The following ZDHHC14 variants were observed in gnomAD, a reference collection of about 807,000 sequenced individuals.
ZDHHC14 encodes palmitoyltransferase ZDHHC14.
A neutral mutation model predicts 47.7 loss-of-function variants in ZDHHC14; 16 were observed. That is an observed-to-expected ratio of 0.34 (90% CI 0.23 to 0.51). The LOEUF (loss-of-function observed/expected upper bound fraction) is 0.51, where lower values mean the gene tolerates loss of function less well. ZDHHC14 is among the 20% of genes least tolerant of loss of function. The probability of loss-of-function intolerance (pLI) is 0.97; values close to 1 mark genes in which losing one functional copy is unlikely to be tolerated. For synonymous variants in ZDHHC14, 293 were observed against 278.9 expected (o/e 1.05, Z -0.50); for missense variants, 515 against 662.5 (o/e 0.78, Z 2.44).
intron 5 of ZDHHC14, among the ~76,000 whole-genome samples, chr6:157,640,816 G>T (rs751833218): frequency 4.6e-5 from 7 of 152,184 alleles, no homozygotes; most frequent in Non-Finnish European, 1.0e-4. Context: ...TGTTCTCGTT[G>T]TAAAAAATCC....
At chr6:157,566,766 T>G (rs934557517) in intron 2 of ZDHHC14, among the ~76,000 whole-genome samples, 2 of 152,170 alleles carry the variant, frequency 1.3e-5, no homozygotes, top group East Asian at 3.8e-4. Context: ...TCACTAGAAT[T>G]TTCTTACCCA....
In ZDHHC14 at chr6:157,506,910, T is replaced by G. The variant is rs565328171; in HGVS notation, c.246-35675T>G. 2.5e-3 allele frequency among the ~76,000 whole-genome samples: 372 copies of G among 151,610 alleles called. 1 individual carries two copies. Among genetic ancestry groups the G allele is most frequent in the Non-Finnish European group, 3.3e-3 (223 of 67,826 alleles). ...GCACCTAGGAAAGTAGAGTCATTTT[T>G]TTTTTAATTTTGGTTTTTAATTAAA... On this transcript the variant is annotated intron_variant, in intron 1 of 8. Transcript: ENST00000359775.
chr6:157,492,209 C>CCCCCCCCCCCCCCCCCCCCCCCT (rs1490649594), intron 1 of ZDHHC14, among the ~76,000 whole-genome samples: 1 of 147,234 alleles, frequency 6.8e-6, no homozygotes, highest in African/African-American at 2.5e-5. Context: ...CGCCCCCGCC[C>CCCCCCCCCCCCCCCCCCCCCCCT]CCCAGCCACT....
intron 1 of ZDHHC14, among the ~76,000 whole-genome samples, chr6:157,394,435 C>G (rs1033521364): frequency 6.6e-6 from 1 of 152,258 alleles, no homozygotes; most frequent in Non-Finnish European, 1.5e-5. Flanking sequence ...CTCTCTCTCT[C>G]TCTCACTTGG....
At chr6:157,458,849 A>ATTTTTTTGTTTTTTTT (rs1778992186) in intron 1 of ZDHHC14, among the ~76,000 whole-genome samples, 2 of 81,226 alleles carry the variant, frequency 2.5e-5, no homozygotes, top group East Asian at 4.6e-4. Flanking sequence ...ATGTGGGTGG[A>ATTTTTTTGTTTTTTTT]TTTTTTTTTT....
At chr6:157,595,317 C>T (rs1173896824) in intron 3 of ZDHHC14, among the ~76,000 whole-genome samples, 2 of 150,864 alleles carry the variant, frequency 1.3e-5, no homozygotes, top group African/African-American at 2.4e-5. Flanking sequence ...CCCAGCCTCC[C>T]GAGTAGCTGG....
At chr6:157,647,428 G>C (rs573323857) in intron 7 of ZDHHC14, 60 bp downstream of exon 7, 3 of 1,374,738 alleles carry the variant, frequency 2.2e-6, no homozygotes, top group East Asian at 4.8e-5. Flanking sequence ...TGCCTCGGCC[G>C]TTAGCACAGG....
chr6:157,437,718 A>G lies in ZDHHC14; in HGVS notation c.245+55452A>G, dbSNP rs535551248. 2.6e-5 allele frequency among the ~76,000 whole-genome samples: 4 copies of G among 152,320 alleles called. 1 individual carries two copies. Among genetic ancestry groups the G allele is most frequent in the African/African-American group, 9.6e-5 (4 of 41,566 alleles). ...AAGGCTACTAACTCTTCTCTGCAACAGTGTTAGTTGATTGCTACGGGATAA... is the reference window on the plus strand; with the variant it reads ...AAGGCTACTAACTCTTCTCTGCAACGGTGTTAGTTGATTGCTACGGGATAA... On this transcript the variant is annotated intron_variant, in intron 1 of 8. Transcript: ENST00000359775.
Position 157,446,219 on chromosome 6 carries a change from C to G in ZDHHC14, c.245+63953C>G, listed in dbSNP as rs113010473. Among the ~76,000 whole-genome samples the G allele has an allele frequency of 6.2e-3, 940 of 152,190 alleles. 7 individuals carry two copies. Among genetic ancestry groups the G allele is most frequent in the African/African-American group, 0.021 (882 of 41,508 alleles). ...ATCATCTGGAGATTATCTCCAGACA[C>G]AAATCCATCGCCCATTGCTCCATCG... On this transcript the variant is annotated intron_variant, in intron 1 of 8. Transcript: ENST00000359775.
intron 2 of ZDHHC14, among the ~76,000 whole-genome samples, chr6:157,570,386 A>G (rs189099849): frequency 6.6e-6 from 1 of 152,340 alleles, no homozygotes; most frequent in Admixed American, 6.5e-5. Flanking sequence ...CCCATTTCTG[A>G]CAATGCAGAA....
rs137906361 is a variant in ZDHHC14 at position 157,490,160 on chromosome 6, G to A, written c.246-52425G>A. On this transcript the variant is annotated intron_variant, in intron 1 of 8. Transcript: ENST00000359775. Reference sequence around the variant, plus strand: ...GGAATGGGGAAGCTGGTTGGGCGAGGGGGGAACAGGTCTTTTATGGGCAGA... The same window carrying A: ...GGAATGGGGAAGCTGGTTGGGCGAGAGGGGAACAGGTCTTTTATGGGCAGA... Among the ~76,000 whole-genome samples, 310 of 152,278 alleles carry A rather than the reference G, an allele frequency of 2.0e-3. 1 individual carries two copies. Among genetic ancestry groups the A allele is most frequent in the African/African-American group, 7.1e-3 (293 of 41,556 alleles).
chr6:157,399,072 A>G (rs1207164838), intron 1 of ZDHHC14, among the ~76,000 whole-genome samples: 4 of 152,234 alleles, frequency 2.6e-5, no homozygotes, highest in African/African-American at 9.6e-5. Context: ...AAGTTATCAG[A>G]TCTTGCTTTC....
At chr6:157,387,036 T>C (rs1305780475) in intron 1 of ZDHHC14, among the ~76,000 whole-genome samples, 1 of 152,168 alleles carries the variant, frequency 6.6e-6, no homozygotes, top group Non-Finnish European at 1.5e-5. Context: ...GGGGCTTGAC[T>C]GGGTCTCCGC....
At chr6:157,593,447 C>G (rs574908643) in intron 3 of ZDHHC14, among the ~76,000 whole-genome samples, 16 of 152,330 alleles carry the variant, frequency 1.1e-4, no homozygotes, top group Non-Finnish European at 2.2e-4. Flanking sequence ...CCCCAGGCCT[C>G]TCGATTGCCA....
intron 1 of ZDHHC14, among the ~76,000 whole-genome samples, chr6:157,495,695 A>ATTTTTTTTTTTTTTTT (rs71027341): frequency 9.6e-6 from 1 of 104,346 alleles, no homozygotes; most frequent in East Asian, 2.9e-4. Context: ...TTCGGGTTGA[A>ATTTTTTTTTTTTTTTT]TTTTTTTTTT....
intron 8 of ZDHHC14, among the ~76,000 whole-genome samples, chr6:157,668,145 C>T (rs1383081440): frequency 2.0e-5 from 3 of 152,180 alleles, no homozygotes; most frequent in Admixed American, 2.0e-4. Flanking sequence ...GATGCCAGTG[C>T]CCCTGCCCCC....
chr6:157,516,580 A>G (rs1462645825), intron 1 of ZDHHC14, among the ~76,000 whole-genome samples: 3 of 152,196 alleles, frequency 2.0e-5, no homozygotes, highest in Non-Finnish European at 4.4e-5. Context: ...GAGGGACTGG[A>G]GCCTGAAATA....
chr6:157,446,239 C>T (rs1778664560), intron 1 of ZDHHC14, among the ~76,000 whole-genome samples: 1 of 151,956 alleles, frequency 6.6e-6, no homozygotes, highest in African/African-American at 2.4e-5. Flanking sequence ...GCCCATTGCT[C>T]CATCGAGGCA....
At chr6:157,439,414 A>G (rs1778515725) in intron 1 of ZDHHC14, among the ~76,000 whole-genome samples, 1 of 152,224 alleles carries the variant, frequency 6.6e-6, no homozygotes, top group Non-Finnish European at 1.5e-5. Context: ...AAAAAAGCTC[A>G]ACATCACTGA....
Sources: gnomAD v4.1 joint callset for allele counts (sites outside exome capture counted in the v4.1 genomes callset) on GRCh38, gnomAD v4.1.1 for gene constraint, MANE v1.5 for transcripts, NCBI Gene and HGNC (gene_info 2026-07-23, HGNC 2026-07-21) for gene names.